APOL2: variants seen among roughly 807,000 people sequenced by gnomAD.
APOL2 encodes apolipoprotein L2.
Under a neutral mutation model 7.1 loss-of-function variants are expected in APOL2, and 8 were observed. That is an observed-to-expected ratio of 1.12 (90% CI 0.66 to 2.03). The LOEUF (loss-of-function observed/expected upper bound fraction) is 2.03. Ranked by LOEUF, APOL2 falls within the 30% of genes most tolerant of loss-of-function variation. The probability of loss-of-function intolerance (pLI) is 0.00; values close to 1 mark genes in which losing one functional copy is unlikely to be tolerated. For synonymous variants in APOL2, 177 were observed against 159.9 expected, an observed-to-expected ratio of 1.11 and a Z score of -0.81; for missense variants, 471 against 415.1, an observed-to-expected ratio of 1.13 and a Z score of -1.17.
At chr22:36,230,609 G>C (rs901760157) in intron 4 of APOL2, among the ~76,000 whole-genome samples, 1 of 152,152 alleles carries the variant, frequency 6.6e-6, no homozygotes, top group Non-Finnish European at 1.5e-5. Flanking sequence ...GGGCCTTTGA[G>C]CAGGATCTTA....
chr22:36,229,295 C>A (rs2015136631), intron 4 of APOL2, among the ~76,000 whole-genome samples: 1 of 152,230 alleles, frequency 6.6e-6, no homozygotes, highest in South Asian at 2.1e-4. Context: ...CCCGCCCCCA[C>A]CCTGGTGTTG....
chr22:36,232,774 G>A lies in APOL2; in HGVS notation c.10+379C>T, dbSNP rs1419117651. ...ACCCTGGGTCAGCAGGGAGAAGAGC[G>A]GTAGATAAGAGATCAGGGCTGCAGG... On this transcript the variant is annotated intron_variant, in intron 3 of 4. Transcript: ENST00000358502. 7.2e-5 allele frequency among the ~76,000 whole-genome samples: 11 copies of A among 152,000 alleles called. No individual in the cohort carries two copies. The South Asian group carries it at 8.3e-4, about 11-fold the overall frequency.
At position 36,227,598 on chromosome 22, in the gene APOL2, T is replaced by C; in HGVS notation, c.820A>G (p.Ile274Val). Residue 274 changes from isoleucine to valine, a missense_variant, in exon 5 of 5, where the codon ATC becomes GTC. Coordinates refer to ENST00000358502, the MANE Select transcript of APOL2 (RefSeq NM_030882.4). ...PAQAMSRGTM[I>V]VGAATGGILL... ...ATGCCTCCAGTGGCTGCACCCACGA[T>C]CATGGTTCCTCTGCTCATTGCCTGG... 6.2e-7 allele frequency: 1 copy of C among 1,614,254 alleles called. No homozygotes were observed. The highest frequency in any genetic ancestry group is 8.5e-7 in the Non-Finnish European group (1 of 1,180,050).
chr22:36,235,972 G>C (rs2015391442), intron 1 of APOL2, among the ~76,000 whole-genome samples: 1 of 152,058 alleles, frequency 6.6e-6, no homozygotes, highest in Non-Finnish European at 1.5e-5. Context: ...TGGGAAAAAG[G>C]GACTCAATAG....
In APOL2 at chr22:36,227,297, T is replaced by C. The variant is rs1372984827; in HGVS notation, c.*107A>G. 1.2e-5 allele frequency: 16 copies of C among 1,348,258 alleles called. No homozygotes were observed. Among genetic ancestry groups the C allele is most frequent in the East Asian group, 7.2e-5 (3 of 41,384 alleles). 83.5% of individuals were successfully genotyped at this position (1,348,258 alleles called of 1,614,324 possible). On this transcript the variant is annotated 3_prime_UTR_variant, in exon 5 of 5. Coordinates refer to ENST00000358502, the MANE Select transcript of APOL2 (RefSeq NM_030882.4). ...AGCCACTGCACTCCATCCTGGGCGATAGAGCGAGACTCCATCTCAAAAAAA... is the reference window on the plus strand; with the variant it reads ...AGCCACTGCACTCCATCCTGGGCGACAGAGCGAGACTCCATCTCAAAAAAA...
At chr22:36,237,337 C>A in intron 1 of APOL2, 1 of 1,327,334 alleles carries the variant, frequency 7.5e-7, no homozygotes. Flanking sequence ...CAAAGCATCT[C>A]CCTCCAAGTG....
intron 1 of APOL2, among the ~76,000 whole-genome samples, chr22:36,234,685 C>G (rs2015341133): frequency 6.6e-6 from 1 of 152,180 alleles, no homozygotes; most frequent in Non-Finnish European, 1.5e-5. Flanking sequence ...AAGGCACTTA[C>G]AGGTATAATG....
upstream of APOL2, chr22:36,239,767 T>C (rs2015539620): frequency 6.0e-6 from 3 of 499,950 alleles, no homozygotes; most frequent in Admixed American, 6.8e-5. Context: ...GTCTGCTGTG[T>C]CAGCTGCCCA....
At chr22:36,234,124 AG>A (rs1245954905) in intron 1 of APOL2, 5 of 152,284 alleles carry the variant, frequency 3.3e-5, no homozygotes, top group Admixed American at 3.3e-4. Flanking sequence ...TATGCTACAA[AG>A]AATATCCTCC....
chr22:36,239,029 G>T, intron 1 of APOL2: 2 of 780,610 alleles, frequency 2.6e-6, no homozygotes, highest in Non-Finnish European at 3.4e-6. Flanking sequence ...GGCCAGCCTG[G>T]GTGTGGCCCG....
chr22:36,238,604 C>T (rs554854521), intron 1 of APOL2, among the ~76,000 whole-genome samples: 2 of 152,270 alleles, frequency 1.3e-5, no homozygotes, highest in East Asian at 1.9e-4. Flanking sequence ...AACACAGAGA[C>T]CTAAGCTCTC....
chr22:36,234,383 C>G (rs1028310471), intron 1 of APOL2: 6 of 152,248 alleles, frequency 3.9e-5, no homozygotes, highest in African/African-American at 9.7e-5. Flanking sequence ...GAGACAAGGT[C>G]TCACTCCTAG....
intron 4 of APOL2, 88 bp downstream of exon 4, chr22:36,231,252 G>A: frequency 6.5e-7 from 1 of 1,532,020 alleles, no homozygotes; most frequent in African/African-American, 1.4e-5. Context: ...CTGCCTGGAG[G>A]AGGTGTGCCT....
intron 1 of APOL2, chr22:36,239,129 C>T (rs939726244): frequency 8.3e-7 from 1 of 1,207,068 alleles, no homozygotes; most frequent in South Asian, 2.6e-5. Context: ...GCACCCCCAA[C>T]ACCTACCTTT....
intron 1 of APOL2, among the ~76,000 whole-genome samples, chr22:36,234,882 G>A (rs1346407447): frequency 1.3e-5 from 2 of 152,184 alleles, no homozygotes; most frequent in African/African-American, 4.8e-5. Flanking sequence ...AATCTACTAC[G>A]TGGTAAAGAC....
intron 1 of APOL2, among the ~76,000 whole-genome samples, chr22:36,234,569 G>A (rs577974874): frequency 1.9e-3 from 286 of 152,288 alleles, no homozygotes; most frequent in Admixed American, 2.8e-3. Flanking sequence ...GGAGGTGAGG[G>A]AAAATAGCAA....
intron 1 of APOL2, chr22:36,239,221 T>A: frequency 7.5e-7 from 1 of 1,341,560 alleles, no homozygotes; most frequent in South Asian, 2.0e-5. Context: ...TCTAAGCTGT[T>A]TTCCCCACCT....
chr22:36,227,856 C>T lies in APOL2; in HGVS notation c.562G>A (p.Gly188Ser), dbSNP rs148745051. Reference sequence around the variant, plus strand: ...TTCATCACCTTTGCTACATTGGTGCCGCTTTGGTCCAAGTTGCGGGCTTGG... The same window carrying T: ...TTCATCACCTTTGCTACATTGGTGCTGCTTTGGTCCAAGTTGCGGGCTTGG... ...RAQARNLDQS[G>S]TNVAKVMKEF... Residue 188 changes from glycine (G) to serine (S), a missense_variant, in exon 5 of 5, where the codon GGC becomes AGC. Gly to Ser is a moderately conservative substitution (Grantham distance 56). Transcript: ENST00000358502. 3.5e-4 allele frequency: 570 copies of T among 1,614,176 alleles called. 2 individuals are homozygous for T. The African/African-American group carries it at 6.8e-3, about 19-fold the overall frequency.
chr22:36,236,944 C>G, intron 1 of APOL2: 1 of 1,331,136 alleles, frequency 7.5e-7, no homozygotes, highest in Non-Finnish European at 9.6e-7. Flanking sequence ...GCTTTGTTCA[C>G]TCTGTGACAC....
Sources: allele counts gnomAD v4.1 joint callset (sites outside exome capture counted in the v4.1 genomes callset), GRCh38; gene constraint gnomAD v4.1.1; transcripts MANE v1.5; gene names NCBI Gene and HGNC (gene_info 2026-07-23, HGNC 2026-07-21).